The following MBNL2 variants were observed in gnomAD, a reference collection of about 807,000 sequenced individuals.
MBNL2 encodes muscleblind-like protein 2.
MBNL2 carries 17 observed loss-of-function variants against 41.9 expected under a neutral mutation model. The ratio of observed to expected loss-of-function variants is 0.41; its 90% confidence interval spans 0.28 to 0.61. MBNL2 has a LOEUF of 0.61. MBNL2 is among the 20% of genes least tolerant of loss of function. The pLI is 0.35. For missense variants in MBNL2, 336 were observed against 505.6 expected (o/e 0.66, Z 3.22); for synonymous variants, 195 against 182.9 (o/e 1.07, Z -0.53).
intron 8 of MBNL2, among the ~76,000 whole-genome samples, chr13:97,390,915 A>G (rs962384130): frequency 3.0e-4 from 46 of 152,194 alleles, no homozygotes; most frequent in Admixed American, 3.9e-4. Context: ...AAGCCTTACA[A>G]ATGACTTTTC....
rs183831623 is a variant in MBNL2, at chr13:97,295,800, G to A, written c.174+19391G>A. Reference sequence around the variant, plus strand: ...GGAGTGATGGTACAAGTTTAATCATGAACTCTTCAACATTGAAATCCTGTG... The same window carrying A: ...GGAGTGATGGTACAAGTTTAATCATAAACTCTTCAACATTGAAATCCTGTG... On this transcript the variant is annotated intron_variant, in intron 2 of 8. Coordinates refer to ENST00000679496, the MANE Select transcript of MBNL2 (RefSeq NM_001382683.1). Among the ~76,000 whole-genome samples, 11 of 152,180 alleles carry A rather than the reference G, an allele frequency of 7.2e-5. No individual in the cohort carries two copies. In the East Asian group the frequency reaches 2.1e-3, roughly 29 times the overall value.
the MBNL2 span, among the ~76,000 whole-genome samples, chr13:97,153,346 TGGAG>T: frequency 2.6e-5 from 4 of 151,932 alleles, no homozygotes; most frequent in Non-Finnish European, 5.9e-5. Flanking sequence ...TGTATTTTCT[TGGAG>T]GGGGAAGAAG....
intron 2 of MBNL2, among the ~76,000 whole-genome samples, chr13:97,308,291 T>G (rs2058300558): frequency 6.6e-6 from 1 of 152,126 alleles, no homozygotes; most frequent in Non-Finnish European, 1.5e-5. Flanking sequence ...CCTCTCAGAG[T>G]TTGTCTAGGA....
intron 1 of MBNL2, among the ~76,000 whole-genome samples, chr13:97,244,191 T>C (rs1017026758): frequency 7.9e-5 from 12 of 152,252 alleles, no homozygotes; most frequent in Admixed American, 5.9e-4. Flanking sequence ...TCTTTAGTCA[T>C]ATTTAATTTC....
chr13:97,264,827 G>A (rs2049405232), intron 1 of MBNL2, among the ~76,000 whole-genome samples: 1 of 152,236 alleles, frequency 6.6e-6, no homozygotes, highest in South Asian at 2.1e-4. Context: ...GGAAGGAAAT[G>A]GAAGTTCTAA....
At chr13:97,163,405 G>A in the MBNL2 span, among the ~76,000 whole-genome samples, 1 of 151,782 alleles carries the variant, frequency 6.6e-6, no homozygotes, top group African/African-American at 2.4e-5. Flanking sequence ...AACTGGGATG[G>A]GACAGGGTGG....
At chr13:97,370,201 G>A (rs1594279035) in intron 8 of MBNL2, among the ~76,000 whole-genome samples, 3 of 151,514 alleles carry the variant, frequency 2.0e-5, no homozygotes, top group African/African-American at 7.3e-5. Flanking sequence ...GCCAAAGTCA[G>A]ACAGCTTCTA....
At chr13:97,220,126 T>G (rs922424155), upstream of MBNL2, among the ~76,000 whole-genome samples, 1 of 152,214 alleles carries the variant, frequency 6.6e-6, no homozygotes, top group African/African-American at 2.4e-5. Flanking sequence ...TGCATGGCAT[T>G]TTGCTAACTG....
intron 4 of MBNL2, among the ~76,000 whole-genome samples, chr13:97,345,241 G>A (rs1303411117): frequency 1.3e-5 from 2 of 152,082 alleles, no homozygotes; most frequent in Non-Finnish European, 2.9e-5. Context: ...AATGATCAGC[G>A]TGATGATCAT....
intron 1 of MBNL2, among the ~76,000 whole-genome samples, chr13:97,262,139 A>G (rs1214329215): frequency 3.3e-5 from 5 of 152,214 alleles, no homozygotes; most frequent in African/African-American, 1.2e-4. Flanking sequence ...TCCCGCAGGC[A>G]CCAAAGCATC....
chr13:97,300,218 C>T (rs78763093), intron 2 of MBNL2, among the ~76,000 whole-genome samples: 11,477 of 152,196 alleles, frequency 0.075, 669 homozygotes, highest in African/African-American at 0.16. Flanking sequence ...CCATCTCTTA[C>T]AGCAAGGAGG....
intron 7 of MBNL2, among the ~76,000 whole-genome samples, chr13:97,360,356 C>T (rs2063302746): frequency 6.6e-6 from 1 of 152,136 alleles, no homozygotes; most frequent in Admixed American, 6.5e-5. Context: ...CCAAACTATG[C>T]TAAGATAATT....
the MBNL2 span, among the ~76,000 whole-genome samples, chr13:97,148,488 T>C: frequency 6.6e-6 from 1 of 152,308 alleles, no homozygotes; most frequent in South Asian, 2.1e-4. Context: ...CAATGTAGGT[T>C]CATCAGTTGT....
intron 5 of MBNL2, among the ~76,000 whole-genome samples, chr13:97,353,265 A>G (rs564179659): frequency 6.6e-6 from 1 of 152,360 alleles, no homozygotes; most frequent in South Asian, 2.1e-4. Context: ...TGACAATGAC[A>G]TGAAAATTAC....
chr13:97,276,709 C>T (rs2152929068), intron 2 of MBNL2, among the ~76,000 whole-genome samples: 1 of 152,108 alleles, frequency 6.6e-6, no homozygotes, highest in South Asian at 2.1e-4. Context: ...AATATTTTAT[C>T]AACATTTGAT....
At chr13:97,292,381 G>A (rs984074850) in intron 2 of MBNL2, among the ~76,000 whole-genome samples, 3 of 152,064 alleles carry the variant, frequency 2.0e-5, no homozygotes, top group African/African-American at 7.2e-5. Flanking sequence ...GGAGAACTCG[G>A]TTTATCATCT....
intron 3 of MBNL2, among the ~76,000 whole-genome samples, chr13:97,339,225 GTT>G (rs2061203327): frequency 6.9e-6 from 1 of 144,578 alleles, no homozygotes; most frequent in African/African-American, 2.6e-5. Context: ...ATGGGAGTGT[GTT>G]GTGAATGTGT....
intron 8 of MBNL2, among the ~76,000 whole-genome samples, chr13:97,367,903 G>A (rs1239943580): frequency 6.6e-6 from 1 of 152,192 alleles, no homozygotes; most frequent in African/African-American, 2.4e-5. Context: ...CCTTAGCTGG[G>A]AAGATGATGA....
chr13:97,332,458 C>T (rs557478159), intron 2 of MBNL2, among the ~76,000 whole-genome samples: 1 of 152,106 alleles, frequency 6.6e-6, no homozygotes, highest in African/African-American at 2.4e-5. Flanking sequence ...TTTTAACAAA[C>T]AAAGAGACAA....
Sources: allele counts gnomAD v4.1 joint callset (sites outside exome capture counted in the v4.1 genomes callset), GRCh38; gene constraint gnomAD v4.1.1; transcripts MANE v1.5; gene names NCBI Gene and HGNC (gene_info 2026-07-23, HGNC 2026-07-21).